Variants in HNRNPLL observed in about 807,000 individuals in gnomAD.
HNRNPLL encodes heterogeneous nuclear ribonucleoprotein L like.
In HNRNPLL, 25 loss-of-function variants were observed where a neutral mutation model predicts 67.1. The observed-to-expected ratio is 0.37, with a 90% CI of 0.27 to 0.52. The LOEUF is 0.52. HNRNPLL is among the 20% of genes least tolerant of loss of function. The pLI, the probability that HNRNPLL is intolerant of heterozygous loss-of-function variation, is 0.90. For synonymous variants in HNRNPLL, 267 were observed against 241.7 expected (o/e 1.10, Z -0.97); for missense variants, 542 against 673.9 (o/e 0.80, Z 2.17).
At chr2:38,597,828 C>CA (rs1231581016) in intron 1 of HNRNPLL, among the ~76,000 whole-genome samples, 1 of 151,974 alleles carries the variant, frequency 6.6e-6, no homozygotes, top group East Asian at 1.9e-4. Context: ...GCTGGGATTA[C>CA]AGGCGCGTGC....
intron 12 of HNRNPLL, among the ~76,000 whole-genome samples, chr2:38,564,841 A>C (rs866445316): frequency 1.3e-4 from 20 of 152,118 alleles, no homozygotes; most frequent in African/African-American, 4.6e-4. Flanking sequence ...AAATATTGCC[A>C]ACAGTTAACT....
chr2:38,598,639 T>C lies in HNRNPLL; in HGVS notation c.189+3799A>G, dbSNP rs78553092. On this transcript the variant is annotated intron_variant, in intron 1 of 12. Coordinates refer to ENST00000449105, the MANE Select transcript of HNRNPLL (RefSeq NM_138394.4). ...CTGACATATGGTAGAAGCTCAATTA[T>C]TGTGTTTTAAATGAGGCTAGAGATC... Among the ~76,000 whole-genome samples, 76 of 152,344 alleles carry C rather than the reference T, an allele frequency of 5.0e-4. 4 individuals are homozygous for C. The East Asian group carries it at 0.014, about 28-fold the overall frequency.
chr2:38,580,786 GCT>G (rs1352885630), intron 6 of HNRNPLL, among the ~76,000 whole-genome samples: 1 of 152,130 alleles, frequency 6.6e-6, no homozygotes, highest in African/African-American at 2.4e-5. Context: ...CAAATGAAAT[GCT>G]CTTATTTTCA....
intron 1 of HNRNPLL, among the ~76,000 whole-genome samples, chr2:38,593,174 C>T (rs982585490): frequency 1.3e-5 from 2 of 152,152 alleles, no homozygotes. Context: ...AACAGATATC[C>T]CTTACATGCC....
intron 1 of HNRNPLL, among the ~76,000 whole-genome samples, chr2:38,593,544 G>C (rs370957135): frequency 6.6e-6 from 1 of 152,192 alleles, no homozygotes; most frequent in Non-Finnish European, 1.5e-5. Context: ...CAAAAAGTTA[G>C]TATCAAAAAC....
chr2:38,588,112 A>G (rs960829396), intron 2 of HNRNPLL, among the ~76,000 whole-genome samples: 56 of 152,144 alleles, frequency 3.7e-4, no homozygotes, highest in African/African-American at 1.3e-3. Flanking sequence ...GAGCCGATTA[A>G]ACCTCTCTTC....
At chr2:38,598,123 GTAT>G (rs1251061935) in intron 1 of HNRNPLL, among the ~76,000 whole-genome samples, 4 of 151,612 alleles carry the variant, frequency 2.6e-5, no homozygotes, top group African/African-American at 4.8e-5. Context: ...AAACAACTCC[GTAT>G]TATTATTATA....
chr2:38,564,769 T>A (rs1267684348), intron 12 of HNRNPLL, among the ~76,000 whole-genome samples: 4 of 152,232 alleles, frequency 2.6e-5, no homozygotes, highest in African/African-American at 9.6e-5. Context: ...CAATTTTTTT[T>A]AGTGAATTCA....
chr2:38,592,228 T>G (rs927244762), intron 1 of HNRNPLL, among the ~76,000 whole-genome samples: 1 of 152,318 alleles, frequency 6.6e-6, no homozygotes, highest in African/African-American at 2.4e-5. Flanking sequence ...GAAAGAAAAT[T>G]TAGCAGATAC....
At position 38,602,747 on chromosome 2, in the gene HNRNPLL, C is replaced by A. The variant is rs1327370572; in HGVS notation, c.-121G>T. On this transcript the variant is annotated 5_prime_UTR_variant, in exon 1 of 13. Coordinates refer to ENST00000449105, the MANE Select transcript of HNRNPLL (RefSeq NM_138394.4). ...CTCTTCTGCGAGGGTCTCCGCGGCC[C>A]GGCCGTCCGCGGGGACTGCGCGGCC... is the stretch of plus-strand genomic sequence containing the variant. 44 of 1,505,934 alleles carry A rather than the reference C, an allele frequency of 2.9e-5. No homozygotes were observed. In the East Asian group the frequency reaches 1.2e-3, roughly 42 times the overall value. The allele number at this position is 1,505,934 out of a possible 1,614,324, so 93.3% of individuals were successfully genotyped here.
intron 12 of HNRNPLL, among the ~76,000 whole-genome samples, chr2:38,567,485 A>G (rs1179610633): frequency 6.6e-6 from 1 of 152,174 alleles, no homozygotes; most frequent in African/African-American, 2.4e-5. Flanking sequence ...AAAAGGTTGG[A>G]GGTTGTAGAA....
chr2:38,592,967 AAT>A (rs1166723242), intron 1 of HNRNPLL, among the ~76,000 whole-genome samples: 1 of 152,242 alleles, frequency 6.6e-6, no homozygotes, highest in Admixed American at 6.5e-5. Flanking sequence ...CTGTTAGGAA[AAT>A]ATAACAAATG....
chr2:38,576,118 A>C (rs1666291810), intron 7 of HNRNPLL, among the ~76,000 whole-genome samples: 2 of 151,842 alleles, frequency 1.3e-5, no homozygotes, highest in Non-Finnish European at 1.5e-5. Context: ...TTATAAAGGA[A>C]GGCAGACTTA....
chr2:38,579,448 T>A (rs1000295617), intron 6 of HNRNPLL, among the ~76,000 whole-genome samples: 12 of 151,836 alleles, frequency 7.9e-5, no homozygotes, highest in Admixed American at 7.9e-4. Flanking sequence ...AAATTAATAA[T>A]AATTCACTTC....
At chr2:38,568,503 C>T (rs114311356) in intron 10 of HNRNPLL, 60 bp from the exon 11 acceptor site, 1 of 1,120,484 alleles carries the variant, frequency 8.9e-7, no homozygotes, top group South Asian at 1.4e-5. Flanking sequence ...CACTTTTTTA[C>T]AGAAAGTAAA....
At chr2:38,594,786 C>T (rs1380390873) in intron 1 of HNRNPLL, among the ~76,000 whole-genome samples, 1 of 151,642 alleles carries the variant, frequency 6.6e-6, no homozygotes, top group Non-Finnish European at 1.5e-5. Flanking sequence ...CCCATCTCTA[C>T]TAAAATTAGA....
intron 4 of HNRNPLL, 62 bp downstream of exon 4, chr2:38,583,779 A>C (rs962805851): frequency 4.6e-5 from 36 of 777,752 alleles, no homozygotes; most frequent in Middle Eastern, 5.7e-4. Context: ...GAAATGCTTA[A>C]GCCAGAAAAA....
intron 4 of HNRNPLL, 103 bp downstream of exon 4, chr2:38,583,736 TTG>T: frequency 2.0e-6 from 1 of 506,744 alleles, no homozygotes; most frequent in Non-Finnish European, 3.5e-6. Flanking sequence ...ACGTAGATTT[TTG>T]TGAGAGGACA....
intron 12 of HNRNPLL, among the ~76,000 whole-genome samples, chr2:38,567,051 G>C (rs1233990822): frequency 6.6e-6 from 1 of 151,992 alleles, no homozygotes; most frequent in Non-Finnish European, 1.5e-5. Context: ...CCAAGATATA[G>C]TAAGTGAAAA....
Sources: allele counts gnomAD v4.1 joint callset (sites outside exome capture counted in the v4.1 genomes callset), GRCh38; gene constraint gnomAD v4.1.1; transcripts MANE v1.5; gene names NCBI Gene and HGNC (gene_info 2026-07-23, HGNC 2026-07-21).